Variants in RAP1GAP2 observed in about 807,000 individuals in gnomAD.
The protein encoded by RAP1GAP2 is RAP1 GTPase activating protein 2.
A neutral mutation model predicts 95.0 loss-of-function variants in RAP1GAP2; 27 were observed. The observed-to-expected ratio is 0.28, with a 90% CI of 0.21 to 0.39. The LOEUF is 0.39. Ranked by LOEUF, RAP1GAP2 falls within the 10% of genes least tolerant of loss-of-function variation. The pLI, the probability that RAP1GAP2 is intolerant of heterozygous loss-of-function variation, is 1.00. For synonymous variants in RAP1GAP2, 373 were observed against 380.9 expected (o/e 0.98, Z 0.24); for missense variants, 771 against 970.0 (o/e 0.79, Z 2.72).
At chr17:2,924,296 G>C (rs756432002) in intron 3 of RAP1GAP2, among the ~76,000 whole-genome samples, 50 of 152,162 alleles carry the variant, frequency 3.3e-4, no homozygotes, top group Non-Finnish European at 6.5e-4. Context: ...TGGAGGGAGT[G>C]TTCCGAGCCG....
intron 1 of RAP1GAP2, chr17:2,755,839 G>T: frequency 2.9e-6 from 1 of 341,940 alleles, no homozygotes; most frequent in Non-Finnish European, 5.3e-6. Flanking sequence ...GCGGGAAGCA[G>T]CGGGGCGCGG....
At chr17:2,875,185 G>C (rs1364775419) in intron 2 of RAP1GAP2, among the ~76,000 whole-genome samples, 1 of 152,146 alleles carries the variant, frequency 6.6e-6, no homozygotes, top group African/African-American at 2.4e-5. Flanking sequence ...TCCTGCCTCA[G>C]TCTCCGGAGT....
At chr17:2,974,486 A>C (rs1313497287) in intron 8 of RAP1GAP2, among the ~76,000 whole-genome samples, 1 of 152,220 alleles carries the variant, frequency 6.6e-6, no homozygotes, top group Non-Finnish European at 1.5e-5. Flanking sequence ...GAATTACTGA[A>C]GGATACACTT....
At chr17:2,964,500 T>A (rs2044502165) in intron 7 of RAP1GAP2, 1 of 188,240 alleles carries the variant, frequency 5.3e-6, no homozygotes, top group Non-Finnish European at 1.1e-5. Flanking sequence ...AGGGCCTCTG[T>A]CCTGGGATAG....
At chr17:2,858,571 C>G (rs1260811273) in intron 2 of RAP1GAP2, among the ~76,000 whole-genome samples, 1 of 152,076 alleles carries the variant, frequency 6.6e-6, no homozygotes, top group East Asian at 1.9e-4. Context: ...ATCTCAGGTA[C>G]TAGATCATTT....
chr17:2,785,255 G>A (rs966426415), intron 1 of RAP1GAP2, among the ~76,000 whole-genome samples: 1 of 152,134 alleles, frequency 6.6e-6, no homozygotes, highest in Admixed American at 6.5e-5. Flanking sequence ...TGAAGGAATG[G>A]CAGAAGGGCT....
chr17:2,781,754 CTCTGTGTGTGCACG>C (rs2068660099), intron 1 of RAP1GAP2, among the ~76,000 whole-genome samples: 3 of 140,610 alleles, frequency 2.1e-5, no homozygotes, highest in Admixed American at 7.1e-5. Context: ...GTGAGTACGT[CTCTGTGTGTGCACG>C]TCTGTGTGTG....
At chr17:2,957,883 C>A in intron 4 of RAP1GAP2, 89 bp downstream of exon 4, 1 of 1,339,032 alleles carries the variant, frequency 7.5e-7, no homozygotes, top group Non-Finnish European at 1.0e-6. Context: ...GGGCAGAAGC[C>A]GGGTGCCCTG....
rs542823200 is a variant in RAP1GAP2, at chr17:2,830,555, A to G, written c.80+30005A>G. Among the ~76,000 whole-genome samples, 9 of 151,750 alleles carry G rather than the reference A, an allele frequency of 5.9e-5. No individual in the cohort carries two copies. The South Asian group carries it at 1.7e-3, about 28-fold the overall frequency. ...ATGGTGAAACCCCGTCTCTACTAAAAATACAAAAATTAGCTGGGCGTGGTG... is the reference window on the plus strand; with the variant it reads ...ATGGTGAAACCCCGTCTCTACTAAAGATACAAAAATTAGCTGGGCGTGGTG... On this transcript the variant is annotated intron_variant, in intron 2 of 24. Transcript: ENST00000254695.
chr17:2,955,149 C>T (rs958717873), intron 3 of RAP1GAP2, among the ~76,000 whole-genome samples: 21 of 152,076 alleles, frequency 1.4e-4, no homozygotes, highest in African/African-American at 4.8e-4. Flanking sequence ...TCCTGGGGGT[C>T]GAATTGCTGA....
At chr17:2,844,654 C>T (rs1160363363) in intron 2 of RAP1GAP2, among the ~76,000 whole-genome samples, 8 of 152,148 alleles carry the variant, frequency 5.3e-5, no homozygotes, top group Admixed American at 4.6e-4. Context: ...GCTAAAAGGA[C>T]TTAATGTCGG....
intron 17 of RAP1GAP2, among the ~76,000 whole-genome samples, chr17:3,014,044 A>G (rs956562314): frequency 2.6e-5 from 4 of 152,254 alleles, no homozygotes; most frequent in Non-Finnish European, 5.9e-5. Flanking sequence ...AATGACGGGA[A>G]TACGTCCTAC....
At chr17:2,900,560 G>A (rs2041994908) in intron 2 of RAP1GAP2, among the ~76,000 whole-genome samples, 1 of 151,996 alleles carries the variant, frequency 6.6e-6, no homozygotes, top group African/African-American at 2.4e-5. Flanking sequence ...TCCTGCCTCA[G>A]CCTCTCAAGT....
At chr17:2,916,921 T>G (rs1325149369) in intron 3 of RAP1GAP2, among the ~76,000 whole-genome samples, 1 of 152,198 alleles carries the variant, frequency 6.6e-6, no homozygotes, top group Non-Finnish European at 1.5e-5. Flanking sequence ...GGAGCCACGC[T>G]TCCTCAAGTT....
chr17:2,816,818 A>G (rs1332277354), intron 2 of RAP1GAP2, among the ~76,000 whole-genome samples: 2 of 119,616 alleles, frequency 1.7e-5, no homozygotes, highest in African/African-American at 5.5e-5. Context: ...TCATCTCCAC[A>G]GCACCCTGCA....
intron 2 of RAP1GAP2, chr17:2,853,891 A>AGGCCGGG (rs1229471758): frequency 3.7e-4 from 357 of 968,290 alleles, no homozygotes; most frequent in East Asian, 7.4e-4. Flanking sequence ...TGCGAGGCGG[A>AGGCCGGG]GGCCGGGGGC....
At chr17:3,032,541 C>T in intron 24 of RAP1GAP2, 92 bp downstream of exon 24, 1 of 1,278,678 alleles carries the variant, frequency 7.8e-7, no homozygotes, top group Non-Finnish European at 1.1e-6. Flanking sequence ...CTCAGAATGG[C>T]CGGAGAGATG....
At chr17:2,854,474 T>A (rs950260327) in intron 2 of RAP1GAP2, among the ~76,000 whole-genome samples, 1 of 152,206 alleles carries the variant, frequency 6.6e-6, no homozygotes, top group African/African-American at 2.4e-5. Context: ...ATTTGCTTCC[T>A]GCAACTTGGC....
At position 3,027,630 on chromosome 17, in the gene RAP1GAP2, G is replaced by A. The variant is rs2047167860; in HGVS notation, c.2107+560G>A. On this transcript the variant is annotated intron_variant, in intron 22 of 24. Transcript: ENST00000254695. The surrounding 1 kb of genome is among the most constrained non-coding windows in gnomAD (Gnocchi z 5.2). ...ACAGGCTGGGTCAGCCCCGGGCCCC[G>A]GGTGAGGATTTTGTTCTGCTAGCGG... is the stretch of plus-strand genomic sequence containing the variant. 1.3e-5 allele frequency among the ~76,000 whole-genome samples: 2 copies of A among 152,102 alleles called. No homozygotes were observed. Among genetic ancestry groups the A allele is most frequent in the Admixed American group, 6.6e-5 (1 of 15,264 alleles).
Sources: gnomAD v4.1 joint callset for allele counts (sites outside exome capture counted in the v4.1 genomes callset) on GRCh38, gnomAD v4.1.1 for gene constraint, Gnocchi (gnomAD v3.1) non-coding constraint, MANE v1.5 for transcripts, NCBI Gene and HGNC (gene_info 2026-07-23, HGNC 2026-07-21) for gene names.